The following NCOA4 variants were observed in gnomAD, a reference collection of about 807,000 sequenced individuals.
The protein encoded by NCOA4 is nuclear receptor coactivator 4.
Under a neutral mutation model 69.5 loss-of-function variants are expected in NCOA4, and 31 were observed. The ratio of observed to expected loss-of-function variants is 0.45; its 90% CI spans 0.34 to 0.60. The LOEUF (loss-of-function observed/expected upper bound fraction) is 0.60, where lower values mean the gene tolerates loss of function less well. NCOA4 is among the 20% of genes least tolerant of loss of function. NCOA4 has a pLI of 0.02. For missense variants in NCOA4, 600 were observed against 719.2 expected, an observed-to-expected ratio of 0.83 and a Z score of 1.90; for synonymous variants, 228 against 252.4, an observed-to-expected ratio of 0.90 and a Z score of 0.92.
chr10:46,014,760 A>G (rs1445513399), intron 4 of NCOA4, 94 bp downstream of exon 4: 4 of 1,015,856 alleles, frequency 3.9e-6, no homozygotes, highest in Non-Finnish European at 6.0e-6. Context: ...ACAGAAGTTA[A>G]ATATAACACA....
rs200611408 is a variant in NCOA4, at chr10:46,010,611, T to G, written c.1310A>C (p.Lys437Thr). The change falls in exon 8 of 10, where the codon AAG (lysine) becomes ACG (threonine). Residue 437 changes from lysine (K) to threonine (T), a missense_variant. Physicochemically the swap from Lys to Thr is moderately conservative, Grantham distance 78. Coordinates refer to ENST00000581486, the MANE Select transcript of NCOA4 (RefSeq NM_001145263.2). Reference sequence around the variant, plus strand: ...TTCCACAGGCATCCCATTTTTATCCTTTCCTTCTTTCTTCAGAAGCCACTT... The same window carrying G: ...TTCCACAGGCATCCCATTTTTATCCGTTCCTTCTTTCTTCAGAAGCCACTT... ...LYKWLLKKEG[K>T]DKNGMPVEPK... The G allele has an allele frequency of 2.8e-5, 46 of 1,614,180 alleles. No homozygotes were observed. The highest frequency in any genetic ancestry group is 1.6e-4 in the Middle Eastern group (1 of 6,062).
At position 46,012,925 on chromosome 10, in the gene NCOA4, G is replaced by T. The variant is rs782403935; in HGVS notation, c.672C>A (p.Pro224=). The change falls in exon 7 of 10, where the codon CCC becomes CCA. Residue 224 remains proline (P), a synonymous_variant. Coordinates refer to ENST00000581486, the MANE Select transcript of NCOA4 (RefSeq NM_001145263.2). ...TCTGCTTTTGGGTAAGCCAGTCCTG[G>T]GGGTCGGTGCTGGGTATGTAAGGAG... ...YQAPYIPSTD[P]QDWLTQKQTL... 1.9e-6 allele frequency: 3 copies of T among 1,614,112 alleles called. No homozygotes were observed. The highest frequency in any genetic ancestry group is 1.7e-6 in the Non-Finnish European group (2 of 1,180,002).
At chr10:46,007,579 CTCTTTT>C (rs1838913175) in intron 9 of NCOA4, among the ~76,000 whole-genome samples, 2 of 125,674 alleles carry the variant, frequency 1.6e-5, no homozygotes, top group African/African-American at 6.0e-5. Flanking sequence ...CAGCCAGTGA[CTCTTTT>C]TTTTTTTTTT....
chr10:46,014,469 G>A lies in NCOA4; in HGVS notation c.455C>T (p.Thr152Ile). The change falls in exon 5 of 10, where the codon ACC (threonine) becomes ATC (isoleucine). Residue 152 changes from threonine (T) to isoleucine (I), a missense_variant. By Grantham distance (89) the Thr-to-Ile change is moderately conservative. Transcript: ENST00000581486. The stretch of plus-strand genomic sequence containing the variant: ...AATGGTTTTGAGAGACCCAAATGTG[G>A]TGATGGTCTGGCGCAGAGTAATTGT... ...ADTITLRQTITTFGSLKTIQI... is the reference protein window; with the variant it reads ...ADTITLRQTIITFGSLKTIQI... 1.2e-6 allele frequency: 2 copies of A among 1,612,946 alleles called. No individual in the cohort carries two copies. Among genetic ancestry groups the A allele is most frequent in the Non-Finnish European group, 1.7e-6 (2 of 1,178,956 alleles).
chr10:46,006,418 A>T lies in NCOA4; in HGVS notation c.*174T>A. 1 of 663,000 alleles carries T rather than the reference A, an allele frequency of 1.5e-6. No individual in the cohort carries two copies. The highest frequency in any genetic ancestry group is 1.8e-5 in the South Asian group (1 of 55,644). 41.1% of individuals were successfully genotyped at this position (663,000 alleles called of 1,614,324 possible). On this transcript the variant is annotated 3_prime_UTR_variant, in exon 10 of 10. Coordinates refer to ENST00000581486, the MANE Select transcript of NCOA4 (RefSeq NM_001145263.2). ...CATGAATAAACAGCATTTTTCTTTTAAACAGTAACTCATAATCTGATGACT... is the reference window on the plus strand; with the variant it reads ...CATGAATAAACAGCATTTTTCTTTTTAACAGTAACTCATAATCTGATGACT...
chr10:46,014,494 T>C lies in NCOA4; in HGVS notation c.430A>G (p.Thr144Ala). The C allele has an allele frequency of 6.2e-7, 1 of 1,614,056 alleles. No homozygotes were observed. Among genetic ancestry groups the C allele is most frequent in the East Asian group, 2.2e-5 (1 of 44,876 alleles). Residue 144 changes from threonine (T) to alanine (A), a missense_variant, in exon 5 of 10, where the codon ACA becomes GCA. Transcript: ENST00000581486. Reference protein sequence around the residue: ...DSTVLLFEADTITLRQTITTF... With the variant: ...DSTVLLFEADAITLRQTITTF... ...GTGATGGTCTGGCGCAGAGTAATTGTGTCAGCTTCAAAGAGCAGGACAGTT... is the reference window on the plus strand; with the variant it reads ...GTGATGGTCTGGCGCAGAGTAATTGCGTCAGCTTCAAAGAGCAGGACAGTT...
intron 1 of NCOA4, among the ~76,000 whole-genome samples, chr10:46,029,688 T>A (rs1554926165): frequency 6.6e-6 from 1 of 152,226 alleles, no homozygotes; most frequent in Non-Finnish European, 1.5e-5. Flanking sequence ...TGGGGTCAGA[T>A]AAATTCAGCA....
Position 46,012,957 on chromosome 10 carries a change from A to T in NCOA4, c.640T>A (p.Tyr214Asn). 1.2e-6 allele frequency: 2 copies of T among 1,614,218 alleles called. No individual in the cohort carries two copies. The highest frequency in any genetic ancestry group is 1.7e-6 in the Non-Finnish European group (2 of 1,180,030). ...GTGCTGGGTATGTAAGGAGCTTGAT[A>T]ACCACTGGCAGGTTTGCTTCCAAGG... ...WLLGSKPASG[Y>N]QAPYIPSTDP... Residue 214 changes from tyrosine (Y) to asparagine (N), a missense_variant, in exon 7 of 10, where the codon TAT becomes AAT. By Grantham distance (143) the Tyr-to-Asn change is moderately radical. Transcript: ENST00000581486.
chr10:46,019,919 G>A (rs1354430335), intron 1 of NCOA4, among the ~76,000 whole-genome samples: 4 of 152,120 alleles, frequency 2.6e-5, no homozygotes, highest in Non-Finnish European at 5.9e-5. Context: ...TTGCCCCTTT[G>A]CTGCCTTTGG....
At chr10:46,029,309 G>A (rs1840330351) in intron 1 of NCOA4, among the ~76,000 whole-genome samples, 1 of 152,154 alleles carries the variant, frequency 6.6e-6, no homozygotes, top group Admixed American at 6.6e-5. Flanking sequence ...TTATTGTGCT[G>A]GACTTTACAT....
intron 7 of NCOA4, 42 bp from the exon 8 acceptor site, chr10:46,011,248 T>G: frequency 1.3e-6 from 2 of 1,528,588 alleles, no homozygotes; most frequent in Non-Finnish European, 1.8e-6. Context: ...AGAACAATTA[T>G]GACTGCTTTG....
chr10:46,009,407 C>A lies in NCOA4; in HGVS notation c.1839+4G>T. The A allele has an allele frequency of 6.2e-7, 1 of 1,607,962 alleles. No individual in the cohort carries two copies. The highest frequency in any genetic ancestry group is 8.5e-7 in the Non-Finnish European group (1 of 1,178,326). On this transcript the variant is annotated splice_donor_region_variant and intron_variant, in intron 9 of 9. Transcript: ENST00000581486. Reference sequence around the variant, plus strand: ...TAATTTTCATGCTGGTGGCATGTACCCACCTGTAGAGGAGTTCGATATAAC... The same window carrying A: ...TAATTTTCATGCTGGTGGCATGTACACACCTGTAGAGGAGTTCGATATAAC...
At chr10:46,013,844 G>A (rs1361903610) in intron 5 of NCOA4, among the ~76,000 whole-genome samples, 1 of 151,994 alleles carries the variant, frequency 6.6e-6, no homozygotes, top group Admixed American at 6.5e-5. Context: ...TACCAGAATT[G>A]GTTGTATTAC....
intron 9 of NCOA4, among the ~76,000 whole-genome samples, chr10:46,007,601 T>TC: frequency 7.2e-6 from 1 of 139,734 alleles, no homozygotes; most frequent in Non-Finnish European, 1.5e-5. Flanking sequence ...TTTTTTTTTT[T>TC]TTTTTTTTTG....
intron 1 of NCOA4, among the ~76,000 whole-genome samples, chr10:46,025,162 G>C (rs72795883): frequency 0.014 from 2,121 of 152,280 alleles, 23 homozygotes; most frequent in Middle Eastern, 0.034. Flanking sequence ...TGAAGCCAAA[G>C]GCCTGAGAAC....
Position 46,010,576 on chromosome 10 carries a change from C to A in NCOA4, c.1345G>T (p.Glu449Ter). ...AGGGAATCTTTATGCTTCTCAGGCTCAGGTTTGGGTTCCACAGGCATCCCA... is the reference window on the plus strand; with the variant it reads ...AGGGAATCTTTATGCTTCTCAGGCTAAGGTTTGGGTTCCACAGGCATCCCA... ...KNGMPVEPKPEPEKHKDSLNM... is the reference protein window; with the variant it reads ...KNGMPVEPKP The change falls in exon 8 of 10, where the codon GAG (glutamate) becomes TAG (stop). Residue 449 changes from glutamate (E) to a stop codon, truncating the protein, a stop_gained. Transcript: ENST00000581486. LOFTEE classifies it high-confidence loss of function. 6.2e-7 allele frequency: 1 copy of A among 1,614,182 alleles called. No homozygotes were observed. Among genetic ancestry groups the A allele is most frequent in the Non-Finnish European group, 8.5e-7 (1 of 1,180,028 alleles).
At chr10:46,009,689 G>A (rs1554920671) in intron 8 of NCOA4, 138 bp from the exon 9 acceptor site, 3 of 774,952 alleles carry the variant, frequency 3.9e-6, no homozygotes, top group Non-Finnish European at 6.1e-6. Flanking sequence ...GGTGACAATT[G>A]TTATTTCTAC....
At position 46,006,192 on chromosome 10, in the gene NCOA4, A is replaced by G. The variant is rs1564916689; in HGVS notation, c.*400T>C. The G allele has an allele frequency of 4.0e-6, 1 of 246,948 alleles. No homozygotes were observed. Among genetic ancestry groups the G allele is most frequent in the Non-Finnish European group, 7.9e-6 (1 of 126,794 alleles). The allele number at this position is 246,948 out of a possible 1,614,324, so 15.3% of individuals were successfully genotyped here. On this transcript the variant is annotated 3_prime_UTR_variant, in exon 10 of 10. Transcript: ENST00000581486. ...CAGCAAGAGAAGCATCTGTAGGGCAATTAAACGTTAGGGAAGTTTACTAGC... is the reference window on the plus strand; with the variant it reads ...CAGCAAGAGAAGCATCTGTAGGGCAGTTAAACGTTAGGGAAGTTTACTAGC...
rs188371722 is a variant in NCOA4 at position 46,017,827 on chromosome 10, C to A, written c.-14-1133G>T. Among the ~76,000 whole-genome samples the A allele has an allele frequency of 1.3e-3, 205 of 152,238 alleles. 1 individual carries two copies. Among genetic ancestry groups the A allele is most frequent in the African/African-American group, 4.8e-3 (201 of 41,540 alleles). On this transcript the variant is annotated intron_variant, in intron 1 of 9. Coordinates refer to ENST00000581486, the MANE Select transcript of NCOA4 (RefSeq NM_001145263.2). ...CACATGAGTGTCAGTAAAGCCATAACGTAAAACTTGACAAAAGCTACTGCA... is the reference window on the plus strand; with the variant it reads ...CACATGAGTGTCAGTAAAGCCATAAAGTAAAACTTGACAAAAGCTACTGCA...
Sources: allele counts gnomAD v4.1 joint callset (sites outside exome capture counted in the v4.1 genomes callset), GRCh38; gene constraint gnomAD v4.1.1; transcripts MANE v1.5; gene names NCBI Gene and HGNC (gene_info 2026-07-23, HGNC 2026-07-21).